SYT14: variants seen among roughly 807,000 people sequenced by gnomAD.
SYT14 encodes the protein synaptotagmin-14.
Under a neutral mutation model 74.2 loss-of-function variants are expected in SYT14, and 32 were observed. The observed-to-expected ratio is 0.43, with a 90% confidence interval of 0.33 to 0.58. The LOEUF (loss-of-function observed/expected upper bound fraction) is 0.58, where lower values mean the gene tolerates loss of function less well. SYT14 is among the 20% of genes least tolerant of loss of function. The pLI, the probability that SYT14 is intolerant of heterozygous loss-of-function variation, is 0.05. For synonymous variants in SYT14, 298 were observed against 337.7 expected (o/e 0.88, Z 1.29); for missense variants, 791 against 981.8 (o/e 0.81, Z 2.60).
chr1:210,134,305 C>A (rs562662589), intron 7 of SYT14, among the ~76,000 whole-genome samples: 1 of 152,150 alleles, frequency 6.6e-6, no homozygotes, highest in East Asian at 1.9e-4. Flanking sequence ...AGGAGTCTCA[C>A]TATGTTGCCA....
chr1:210,000,758 C>T (rs1205638613), intron 2 of SYT14, among the ~76,000 whole-genome samples: 3 of 151,608 alleles, frequency 2.0e-5, no homozygotes, highest in South Asian at 4.2e-4. Flanking sequence ...GGATTAGAGG[C>T]GCCTGCCACC....
intron 5 of SYT14, among the ~76,000 whole-genome samples, 173 bp from the exon 5 acceptor site, chr1:210,094,149 T>C (rs2081926765): frequency 6.6e-6 from 1 of 152,212 alleles, no homozygotes; most frequent in African/African-American, 2.4e-5. Flanking sequence ...GGAAACCAGA[T>C]CATTTTATTT....
At chr1:210,066,419 C>T (rs987525948) in intron 5 of SYT14, among the ~76,000 whole-genome samples, 2 of 152,192 alleles carry the variant, frequency 1.3e-5, no homozygotes, top group Non-Finnish European at 2.9e-5. Flanking sequence ...GATTGCCATT[C>T]TAACTGGTGT....
intron 5 of SYT14, among the ~76,000 whole-genome samples, chr1:210,025,775 G>A (rs74156272): frequency 0.059 from 8,984 of 152,156 alleles, 791 homozygotes; most frequent in African/African-American, 0.19. Context: ...TCATTGCCAT[G>A]TATTGTGGTA....
At chr1:209,971,224 C>G (rs892982536) in intron 2 of SYT14, among the ~76,000 whole-genome samples, 5 of 152,020 alleles carry the variant, frequency 3.3e-5, no homozygotes, top group South Asian at 2.1e-4. Context: ...GATTTTTGTA[C>G]TTTGATTTTG....
intron 7 of SYT14, among the ~76,000 whole-genome samples, chr1:210,101,624 G>A (rs1011387312): frequency 2.6e-5 from 4 of 151,352 alleles, no homozygotes; most frequent in Non-Finnish European, 5.9e-5. Flanking sequence ...ATTATTTTGG[G>A]GAAATACCTT....
intron 3 of SYT14, among the ~76,000 whole-genome samples, chr1:210,014,518 A>G (rs901272311): frequency 6.6e-6 from 1 of 152,066 alleles, no homozygotes; most frequent in African/African-American, 2.4e-5. Context: ...TTATAAAAGC[A>G]AAGTGTTAAT....
chr1:209,948,090 A>G (rs1400477608), intron 1 of SYT14, among the ~76,000 whole-genome samples: 1 of 152,250 alleles, frequency 6.6e-6, no homozygotes, highest in Non-Finnish European at 1.5e-5. Context: ...CTGGGAATCC[A>G]AAAAGTTTAT....
intron 5 of SYT14, among the ~76,000 whole-genome samples, chr1:210,088,097 A>T (rs1259251502): frequency 2.0e-5 from 3 of 150,152 alleles, no homozygotes; most frequent in Non-Finnish European, 4.4e-5. Flanking sequence ...GCTTTCTGTT[A>T]TATGCTTGGT....
intron 7 of SYT14, among the ~76,000 whole-genome samples, chr1:210,147,685 TA>T (rs1394316508): frequency 6.6e-6 from 1 of 152,120 alleles, no homozygotes; most frequent in Non-Finnish European, 1.5e-5. Context: ...AAGAGAGAGA[TA>T]AACATAATAC....
intron 5 of SYT14, among the ~76,000 whole-genome samples, chr1:210,031,541 T>A (rs564144459): frequency 6.6e-6 from 1 of 152,268 alleles, no homozygotes; most frequent in South Asian, 2.1e-4. Flanking sequence ...AATCCAAAAT[T>A]TCTGCTTTGG....
At chr1:210,116,509 G>A (rs995407002) in intron 7 of SYT14, among the ~76,000 whole-genome samples, 2 of 152,082 alleles carry the variant, frequency 1.3e-5, no homozygotes, top group African/African-American at 4.8e-5. Flanking sequence ...ACCATGTCCG[G>A]CTAATTTTTG....
chr1:209,981,465 T>TC (rs1264187124), intron 2 of SYT14, among the ~76,000 whole-genome samples: 1 of 145,560 alleles, frequency 6.9e-6, no homozygotes, highest in African/African-American at 2.5e-5. Context: ...TTTTTTTTTT[T>TC]TTTTGAGGCA....
intron 7 of SYT14, among the ~76,000 whole-genome samples, chr1:210,104,308 G>A (rs961128589): frequency 2.6e-5 from 4 of 152,194 alleles, no homozygotes; most frequent in African/African-American, 9.7e-5. Flanking sequence ...TTCTTGAGAA[G>A]CTTAACCATT....
At chr1:209,993,633 G>C (rs769679477) in intron 2 of SYT14, among the ~76,000 whole-genome samples, 6 of 152,136 alleles carry the variant, frequency 3.9e-5, no homozygotes, top group Non-Finnish European at 7.3e-5. Flanking sequence ...ATATCTCTCT[G>C]TTGCAGCCTC....
intron 7 of SYT14, among the ~76,000 whole-genome samples, chr1:210,155,437 T>C (rs1396258624): frequency 6.6e-6 from 1 of 152,226 alleles, no homozygotes; most frequent in African/African-American, 2.4e-5. Flanking sequence ...CAAAAAACAG[T>C]TTATTAGCAT....
chr1:210,114,995 C>T lies in SYT14; in HGVS notation c.2034+14534C>T, dbSNP rs578067718. ...GGAGGGAAAGAAGGAATATTTGGGA[C>T]GAGTTGCATTGGGAACAGAGACTAG... On this transcript the variant is annotated intron_variant, in intron 7 of 9. Transcript: ENST00000637265. Among the ~76,000 whole-genome samples the T allele has an allele frequency of 1.3e-4, 20 of 150,932 alleles. 2 individuals are homozygous for T. Among genetic ancestry groups the T allele is most frequent in the African/African-American group, 3.7e-4 (15 of 40,398 alleles).
intron 5 of SYT14, among the ~76,000 whole-genome samples, chr1:210,054,261 A>G (rs992169034): frequency 6.6e-6 from 1 of 152,114 alleles, no homozygotes; most frequent in Non-Finnish European, 1.5e-5. Flanking sequence ...CATTTATTTC[A>G]TAGTTCCTTC....
At chr1:210,118,630 C>T (rs888704744) in intron 7 of SYT14, among the ~76,000 whole-genome samples, 1 of 152,060 alleles carries the variant, frequency 6.6e-6, no homozygotes, top group Non-Finnish European at 1.5e-5. Flanking sequence ...GCACCTGCCA[C>T]CATGCCCAGC....
Sources: allele counts gnomAD v4.1 joint callset (sites outside exome capture counted in the v4.1 genomes callset), GRCh38; gene constraint gnomAD v4.1.1; transcripts MANE v1.5; gene names NCBI Gene and HGNC (gene_info 2026-07-23, HGNC 2026-07-21).